ATP2B2: variants seen among roughly 807,000 people sequenced by gnomAD.
ATP2B2 encodes ATPase plasma membrane Ca2+ transporting 2.
ATP2B2 carries 15 observed loss-of-function variants against 120.0 expected under a neutral mutation model. The ratio of observed to expected loss-of-function variants is 0.12; its 90% CI spans 0.08 to 0.19. The LOEUF is 0.19. Among genes scored for constraint, ATP2B2 ranks in the 10% least tolerant of loss-of-function variants. ATP2B2 has a pLI of 1.00. For synonymous variants in ATP2B2, 694 were observed against 700.3 expected, an observed-to-expected ratio of 0.99 and a Z score of 0.14; for missense variants, 1,045 against 1,719.8, an observed-to-expected ratio of 0.61 and a Z score of 6.94.
chr3:10,393,252 C>A (rs776778294), intron 5 of ATP2B2, among the ~76,000 whole-genome samples: 1 of 152,162 alleles, frequency 6.6e-6, no homozygotes, highest in Non-Finnish European at 1.5e-5. Context: ...TGGTAGCGGG[C>A]GGGCCGGGCC....
intron 3 of ATP2B2, among the ~76,000 whole-genome samples, chr3:10,407,105 G>A (rs2062439857): frequency 6.6e-6 from 1 of 152,158 alleles, no homozygotes; most frequent in Non-Finnish European, 1.5e-5. Context: ...CCTGAGGCCT[G>A]ACTTGGGGTC....
At chr3:10,458,805 C>T (rs957380136) in intron 1 of ATP2B2, among the ~76,000 whole-genome samples, 2 of 152,240 alleles carry the variant, frequency 1.3e-5, no homozygotes, top group African/African-American at 4.8e-5. Flanking sequence ...TCGCCACGGC[C>T]ATATGGGTAG....
Position 10,477,796 on chromosome 3 carries a change from T to C in ATP2B2, c.-320+27669A>G, listed in dbSNP as rs564877111. 5.9e-5 allele frequency among the ~76,000 whole-genome samples: 9 copies of C among 152,382 alleles called. No homozygotes were observed. The South Asian group carries it at 1.7e-3, about 28-fold the overall frequency. Reference sequence around the variant, plus strand: ...TTTGATTTATCAGTTGATCCATTCATGGACACTTCGATTGTTCCCTCATTT... The same window carrying C: ...TTTGATTTATCAGTTGATCCATTCACGGACACTTCGATTGTTCCCTCATTT... On this transcript the variant is annotated intron_variant, in intron 1 of 22. Transcript: ENST00000360273.
At chr3:10,455,803 A>T (rs927987730) in intron 1 of ATP2B2, among the ~76,000 whole-genome samples, 1 of 152,212 alleles carries the variant, frequency 6.6e-6, no homozygotes, top group African/African-American at 2.4e-5. Flanking sequence ...TTGTTTTCCC[A>T]GCTCCAGTGG....
intron 14 of ATP2B2, among the ~76,000 whole-genome samples, chr3:10,355,791 C>CTTTGTGCGTGTGT: frequency 3.2e-5 from 3 of 92,530 alleles, no homozygotes; most frequent in Non-Finnish European, 4.4e-5. Flanking sequence ...TTGTCCTTTC[C>CTTTGTGCGTGTGT]GGCCGGGCGC....
intron 1 of ATP2B2, among the ~76,000 whole-genome samples, chr3:10,698,433 A>G (rs963542482): frequency 3.3e-5 from 5 of 152,168 alleles, no homozygotes; most frequent in African/African-American, 1.2e-4. Flanking sequence ...GTGAGGTAAG[A>G]AAGGGCCATA....
chr3:10,589,852 C>G (rs2068600855), intron 2 of ATP2B2, among the ~76,000 whole-genome samples: 1 of 152,172 alleles, frequency 6.6e-6, no homozygotes, highest in African/African-American at 2.4e-5. Flanking sequence ...AATCGCAATG[C>G]CTACTCTGAA....
rs2060249868 is a variant in ATP2B2 at position 10,340,694 on chromosome 3, C to T, written c.2928G>A (p.Met976Ile). The T allele has an allele frequency of 6.2e-7, 1 of 1,614,014 alleles. No homozygotes were observed. The change falls in exon 20 of 23, where the codon ATG (methionine) becomes ATA (isoleucine). Residue 976 changes from methionine (M) to isoleucine (I), a missense_variant. Met to Ile is a conservative substitution (Grantham distance 10). Around this residue, in one of 11 missense-constraint regions of ATP2B2, gnomAD observed 211 missense variants for 385.1 expected, o/e 0.55. Coordinates refer to ENST00000360273, the MANE Select transcript of ATP2B2 (RefSeq NM_001001331.4). The surrounding 1 kb of genome is among the most constrained non-coding windows in gnomAD (Gnocchi z 5.0). ...CGTTCCTCCCGCTGTCGATCTGGAACATCTTCTCGCCTGCCAAGTGAGAGA... is the reference window on the plus strand; with the variant it reads ...CGTTCCTCCCGCTGTCGATCTGGAATATCTTCTCGCCTGCCAAGTGAGAGA... ...IFTLLFVGEK[M>I]FQIDSGRNAP... is the part of the protein sequence containing the mutation.
chr3:10,624,497 T>A lies in ATP2B2; in HGVS notation c.-459-4536A>T, dbSNP rs141445547. On this transcript the variant is annotated intron_variant, in intron 1 of 21. Transcript: ENST00000646379. The stretch of plus-strand genomic sequence containing the variant: ...GGGATTGTGCCTGGACACTGGTGTG[T>A]CCCAGGGGTTGACAATCTCAGCGCC... Among the ~76,000 whole-genome samples, 454 of 152,274 alleles carry A rather than the reference T, an allele frequency of 3.0e-3. 1 individual carries two copies. Among genetic ancestry groups the A allele is most frequent in the African/African-American group, 0.01 (431 of 41,544 alleles).
At chr3:10,512,464 G>GCGCGCGCGCACGCACA (rs749056818) in intron 3 of ATP2B2, among the ~76,000 whole-genome samples, 1 of 136,926 alleles carries the variant, frequency 7.3e-6, no homozygotes, top group Non-Finnish European at 1.6e-5. Flanking sequence ...AAGTGTGTGC[G>GCGCGCGCGCACGCACA]CACACACACA....
At position 10,326,820 on chromosome 3, in the gene ATP2B2, A is replaced by G. The variant is rs2125312099; in HGVS notation, c.*1994T>C. On this transcript the variant is annotated 3_prime_UTR_variant, in exon 23 of 23. Coordinates refer to ENST00000360273, the MANE Select transcript of ATP2B2 (RefSeq NM_001001331.4). Reference sequence around the variant, plus strand: ...CAAACCCTCAAGTTTTTCCACCGCCATCCAGATGTAGGCCCTCCCAGTTGA... The same window carrying G: ...CAAACCCTCAAGTTTTTCCACCGCCGTCCAGATGTAGGCCCTCCCAGTTGA... 2.5e-6 allele frequency: 1 copy of G among 398,998 alleles called. No homozygotes were observed. The highest frequency in any genetic ancestry group is 3.6e-5 in the East Asian group (1 of 28,058). 24.7% of individuals were successfully genotyped at this position (398,998 alleles called of 1,614,324 possible). A position where few individuals can be genotyped will look rare whatever the true frequency, so the allele number is the denominator to read the frequency against.
chr3:10,424,975 G>A (rs564565587), intron 2 of ATP2B2, among the ~76,000 whole-genome samples: 9 of 152,036 alleles, frequency 5.9e-5, no homozygotes, highest in Non-Finnish European at 8.8e-5. Flanking sequence ...AGTGGTTTAG[G>A]GGACTCTAGC....
At chr3:10,657,335 C>T (rs534331923) in intron 1 of ATP2B2, among the ~76,000 whole-genome samples, 55 of 152,352 alleles carry the variant, frequency 3.6e-4, no homozygotes, top group African/African-American at 1.3e-3. Context: ...CTTGAGCTTC[C>T]CTGAGCTACA....
chr3:10,435,305 C>T (rs1025717653), intron 2 of ATP2B2, among the ~76,000 whole-genome samples: 2 of 152,108 alleles, frequency 1.3e-5, no homozygotes, highest in Admixed American at 1.3e-4. Context: ...CCAGGTGGTC[C>T]CAAATAAGGA....
At chr3:10,557,176 C>A (rs1424865648) in intron 2 of ATP2B2, among the ~76,000 whole-genome samples, 1 of 152,208 alleles carries the variant, frequency 6.6e-6, no homozygotes, top group East Asian at 1.9e-4. Context: ...GGTAAATATG[C>A]AGCTTGGGCC....
intron 2 of ATP2B2, among the ~76,000 whole-genome samples, chr3:10,551,916 A>G (rs1237309161): frequency 6.6e-6 from 1 of 152,248 alleles, no homozygotes; most frequent in Non-Finnish European, 1.5e-5. Flanking sequence ...TAGGGCCCTC[A>G]GCAAATGGAA....
rs150570237 is a variant in ATP2B2, at chr3:10,653,503, G to A, written c.-459-33542C>T. Among the ~76,000 whole-genome samples, 58 of 152,254 alleles carry A rather than the reference G, an allele frequency of 3.8e-4. 1 individual carries two copies. The highest frequency in any genetic ancestry group is 1.3e-3 in the African/African-American group (52 of 41,548). On this transcript the variant is annotated intron_variant, in intron 1 of 21. Coordinates refer to the ATP2B2 transcript ENST00000646379. ...CCAGGCAGGGCCTCAAGGGGGAATT[G>A]ATCCACTTACCCACAAGGGAACTCC...
intron 3 of ATP2B2, among the ~76,000 whole-genome samples, chr3:10,512,687 C>A (rs2066796318): frequency 6.6e-6 from 1 of 152,198 alleles, no homozygotes; most frequent in Non-Finnish European, 1.5e-5. Flanking sequence ...GGGCTGCGGG[C>A]TCACTCCCTG....
At position 10,449,687 on chromosome 3, in the gene ATP2B2, T is replaced by G. The variant is rs2125181929; in HGVS notation, c.-144A>C. ...GCGGCCGACTCCGGGTCCCGGGGGG[T>G]GGGGGTGGCCGAGGCGGGCTGGTGA... On this transcript the variant is annotated 5_prime_UTR_variant, in exon 2 of 23. Coordinates refer to ENST00000360273, the MANE Select transcript of ATP2B2 (RefSeq NM_001001331.4). The G allele has an allele frequency of 1.0e-6, 1 of 980,874 alleles. No homozygotes were observed. The highest frequency in any genetic ancestry group is 1.6e-6 in the Non-Finnish European group (1 of 633,118). 60.8% of individuals were successfully genotyped at this position (980,874 alleles called of 1,614,324 possible).
Sources: gnomAD v4.1 joint callset for allele counts (sites outside exome capture counted in the v4.1 genomes callset) on GRCh38, gnomAD v4.1.1 for gene constraint, gnomAD v4.1.1 regional missense constraint, Gnocchi (gnomAD v3.1) non-coding constraint, MANE v1.5 for transcripts, NCBI Gene and HGNC (gene_info 2026-07-23, HGNC 2026-07-21) for gene names.